TMTC2: variants seen among roughly 807,000 people sequenced by gnomAD.
TMTC2 encodes the protein protein O-mannosyl-transferase TMTC2.
Under a neutral mutation model 82.4 loss-of-function variants are expected in TMTC2, and 43 were observed. The observed-to-expected ratio is 0.52, with a 90% CI of 0.41 to 0.67. The LOEUF is 0.67. Among genes scored for constraint, TMTC2 ranks in the 30% least tolerant of loss-of-function variants. TMTC2 has a pLI of 0.00. For missense variants in TMTC2, 919 were observed against 1,012.4 expected, an observed-to-expected ratio of 0.91 and a Z score of 1.25; for synonymous variants, 408 against 381.9, an observed-to-expected ratio of 1.07 and a Z score of -0.80.
chr12:82,844,930 T>C (rs1196605230), intron 1 of TMTC2, among the ~76,000 whole-genome samples: 3 of 151,416 alleles, frequency 2.0e-5, no homozygotes, highest in African/African-American at 4.9e-5. Flanking sequence ...GTTTTTAATA[T>C]AGAAAAACTG....
intron 1 of TMTC2, among the ~76,000 whole-genome samples, chr12:82,722,398 CAAAA>C (rs67785786): frequency 9.7e-6 from 1 of 102,590 alleles, no homozygotes. Context: ...ACTAAAAATA[CAAAA>C]AAAAAAAAAA....
intron 1 of TMTC2, among the ~76,000 whole-genome samples, chr12:82,843,707 G>C (rs1371458485): frequency 6.6e-6 from 1 of 152,092 alleles, no homozygotes; most frequent in Non-Finnish European, 1.5e-5. Context: ...CAGCACTTTG[G>C]GAGTCCGGGG....
At chr12:82,987,856 A>G (rs1019086173) in intron 8 of TMTC2, among the ~76,000 whole-genome samples, 1 of 152,086 alleles carries the variant, frequency 6.6e-6, no homozygotes, top group African/African-American at 2.4e-5. Flanking sequence ...CTATCTCAGA[A>G]TGGGATCTGG....
chr12:83,020,607 G>T (rs1016914033), intron 8 of TMTC2, among the ~76,000 whole-genome samples: 1 of 152,152 alleles, frequency 6.6e-6, no homozygotes, highest in African/African-American at 2.4e-5. Context: ...GATTATGGAT[G>T]GATAACCCTT....
intron 3 of TMTC2, among the ~76,000 whole-genome samples, chr12:82,903,680 C>T (rs1045128246): frequency 1.3e-5 from 2 of 151,984 alleles, no homozygotes; most frequent in East Asian, 1.9e-4. Flanking sequence ...CCCAAAGTGC[C>T]GGGATTACAG....
chr12:82,985,391 T>G (rs551030534), intron 7 of TMTC2, among the ~76,000 whole-genome samples: 1 of 152,278 alleles, frequency 6.6e-6, no homozygotes, highest in East Asian at 1.9e-4. Context: ...AATAGTTTCT[T>G]TAAAGAAATT....
At chr12:82,842,381 A>T (rs1020912455) in intron 1 of TMTC2, among the ~76,000 whole-genome samples, 1 of 152,080 alleles carries the variant, frequency 6.6e-6, no homozygotes, top group Admixed American at 6.5e-5. Flanking sequence ...TCTGGTAGAG[A>T]ATCTAGACAA....
intron 3 of TMTC2, among the ~76,000 whole-genome samples, chr12:82,915,508 T>C (rs1874948970): frequency 6.6e-6 from 1 of 152,202 alleles, no homozygotes; most frequent in South Asian, 2.1e-4. Context: ...TAGTGACTTA[T>C]AGTAGGAAAC....
intron 1 of TMTC2, among the ~76,000 whole-genome samples, chr12:82,736,067 A>G (rs1397208681): frequency 6.6e-6 from 1 of 151,778 alleles, no homozygotes; most frequent in Non-Finnish European, 1.5e-5. Context: ...GCCTTATCCT[A>G]CTCTTGCCCT....
At position 82,785,050 on chromosome 12, in the gene TMTC2, T is replaced by G. The variant is rs114078776; in HGVS notation, c.84-71960T>G. On this transcript the variant is annotated intron_variant, in intron 1 of 11. Coordinates refer to ENST00000321196, the MANE Select transcript of TMTC2 (RefSeq NM_152588.3). ...TACCTGGCATAGAAGGGAAGAGACT[T>G]TTCTTAATAGTTTTTGCTTCTCTTA... is the stretch of plus-strand genomic sequence containing the variant. 1.3e-3 allele frequency among the ~76,000 whole-genome samples: 205 copies of G among 152,196 alleles called. 1 individual carries two copies. The highest frequency in any genetic ancestry group is 4.4e-3 in the African/African-American group (182 of 41,560).
rs183608975 is a variant in TMTC2, at chr12:82,857,612, T to G, written c.654+32T>G. ...GATTGTTGGCTCTTGAGCATTGGAT[T>G]ACTGAGTAATCTACTTGCTTACTCC... On this transcript the variant is annotated intron_variant, in intron 2 of 11. Coordinates refer to ENST00000321196, the MANE Select transcript of TMTC2 (RefSeq NM_152588.3). The G allele has an allele frequency of 1.0e-5, 16 of 1,549,098 alleles. No homozygotes were observed. In the African/African-American group the frequency reaches 1.9e-4, roughly 19 times the overall value.
intron 2 of TMTC2, among the ~76,000 whole-genome samples, chr12:82,889,105 G>A (rs770630570): frequency 1.3e-5 from 2 of 151,508 alleles, no homozygotes; most frequent in Admixed American, 6.6e-5. Flanking sequence ...GGTGAAACCC[G>A]GTCTCTACTA....
intron 7 of TMTC2, among the ~76,000 whole-genome samples, chr12:82,979,743 G>A (rs954847536): frequency 6.6e-6 from 1 of 151,660 alleles, no homozygotes; most frequent in African/African-American, 2.4e-5. Flanking sequence ...TTTTCTTTCA[G>A]ATTGAAGGAC....
intron 11 of TMTC2, among the ~76,000 whole-genome samples, chr12:83,063,493 CACTGTGCTAAGT>C (rs1243614637): frequency 2.6e-5 from 4 of 151,790 alleles, no homozygotes; most frequent in Non-Finnish European, 5.9e-5. Flanking sequence ...ATGTGCTAAG[CACTGTGCTAAGT>C]ACTTCATTTC....
chr12:83,116,096 C>T (rs1592503289), intron 11 of TMTC2, among the ~76,000 whole-genome samples: 1 of 152,282 alleles, frequency 6.6e-6, no homozygotes, highest in East Asian at 1.9e-4. Flanking sequence ...CCTCCTGAGT[C>T]CCTGAAGTCC....
chr12:83,026,960 T>A (rs935743907), intron 8 of TMTC2, among the ~76,000 whole-genome samples: 2 of 152,140 alleles, frequency 1.3e-5, no homozygotes, highest in Admixed American at 1.3e-4. Context: ...TGAATATTTC[T>A]CTTACATTTA....
In TMTC2 at chr12:83,099,348, G is replaced by A. The variant is rs563509600; in HGVS notation, c.2332-32862G>A. On this transcript the variant is annotated intron_variant, in intron 11 of 11. Coordinates refer to ENST00000321196, the MANE Select transcript of TMTC2 (RefSeq NM_152588.3). ...ACCCATAGGCAAACAAATGAGTAAC[G>A]TTTAATTTTTTTGTATAATAAAATT... Among the ~76,000 whole-genome samples, 5 of 152,118 alleles carry A rather than the reference G, an allele frequency of 3.3e-5. No individual in the cohort carries two copies. The East Asian group carries it at 7.7e-4, about 23-fold the overall frequency.
At chr12:82,802,950 G>A (rs1315767040) in intron 1 of TMTC2, among the ~76,000 whole-genome samples, 1 of 152,128 alleles carries the variant, frequency 6.6e-6, no homozygotes, top group African/African-American at 2.4e-5. Flanking sequence ...GGGCTTGAAT[G>A]TTATTAATGA....
At chr12:83,018,662 G>GTTT (rs1565855432) in intron 8 of TMTC2, among the ~76,000 whole-genome samples, 12 of 35,418 alleles carry the variant, frequency 3.4e-4, no homozygotes, top group African/African-American at 1.1e-3. Context: ...AAAATTTGCG[G>GTTT]GTTTTTTTTT....
Sources: allele counts gnomAD v4.1 joint callset (sites outside exome capture counted in the v4.1 genomes callset), GRCh38; gene constraint gnomAD v4.1.1; transcripts MANE v1.5; gene names NCBI Gene and HGNC (gene_info 2026-07-23, HGNC 2026-07-21).